Variants in SYDE2 observed in about 807,000 individuals in gnomAD.
SYDE2 encodes synapse defective Rho GTPase homolog 2, also known as rho GTPase-activating protein SYDE2.
In SYDE2, 76 loss-of-function variants were observed where a neutral mutation model predicts 91.5. The ratio of observed to expected loss-of-function variants is 0.83; its 90% CI spans 0.69 to 1.01. The LOEUF is 1.01. SYDE2 is among the 50% of genes least tolerant of loss of function. The probability of loss-of-function intolerance (pLI) is 0.00; values close to 1 mark genes in which losing one functional copy is unlikely to be tolerated. For missense variants in SYDE2, 1,364 were observed against 1,367.7 expected, an observed-to-expected ratio of 1.00 and a Z score of 0.04; for synonymous variants, 513 against 506.4, an observed-to-expected ratio of 1.01 and a Z score of -0.18.
At chr1:85,163,775 A>G (rs1213832130) in intron 6 of SYDE2, among the ~76,000 whole-genome samples, 1 of 152,118 alleles carries the variant, frequency 6.6e-6, no homozygotes, top group African/African-American at 2.4e-5. Context: ...GTGGGGTGAG[A>G]GTAGCAGGGG....
intron 5 of SYDE2, among the ~76,000 whole-genome samples, chr1:85,167,943 G>T (rs561376689): frequency 6.6e-6 from 1 of 151,862 alleles, no homozygotes; most frequent in South Asian, 2.1e-4. Flanking sequence ...GTGAAACCCC[G>T]TCTCTACTGA....
intron 5 of SYDE2, among the ~76,000 whole-genome samples, chr1:85,168,125 A>AG (rs1200238516): frequency 6.6e-6 from 1 of 152,126 alleles, no homozygotes; most frequent in East Asian, 1.9e-4. Context: ...CAAAAAAAAA[A>AG]AAAAAATTTT....
intron 4 of SYDE2, among the ~76,000 whole-genome samples, chr1:85,175,494 C>A (rs1657663361): frequency 6.6e-6 from 1 of 151,926 alleles, no homozygotes; most frequent in African/African-American, 2.4e-5. Context: ...AAAAAGCAAA[C>A]AAACAAAAAA....
At position 85,190,323 on chromosome 1, in the gene SYDE2, G is replaced by C. The variant is rs750249573; in HGVS notation, c.1175C>G (p.Ala392Gly). The C allele has an allele frequency of 3.7e-6, 6 of 1,613,746 alleles. No individual in the cohort carries two copies. In the African/African-American group the frequency reaches 8.0e-5, roughly 22 times the overall value. ...AGGGAGCTTCAGAACAGCAGAGTCG[G>C]CCTCACCAAAACTCAAGGCACTTGA... ...GISSALSFGE[A>G]DSAVLKLPAV... Residue 392 changes from alanine (A) to glycine (G), a missense_variant, in exon 2 of 7, where the codon GCC becomes GGC. Physicochemically the swap from Ala to Gly is moderately conservative, Grantham distance 60 (BLOSUM62 0). Transcript: ENST00000341460.
intron 4 of SYDE2, among the ~76,000 whole-genome samples, chr1:85,169,864 T>C (rs1337560249): frequency 1.3e-5 from 2 of 152,098 alleles, no homozygotes; most frequent in Admixed American, 6.5e-5. Context: ...GGAAAGTCAA[T>C]TGCAAACATT....
intron 1 of SYDE2, among the ~76,000 whole-genome samples, chr1:85,196,471 C>T (rs1658590831): frequency 6.6e-6 from 1 of 152,144 alleles, no homozygotes; most frequent in South Asian, 2.1e-4. Context: ...TTAAACACAG[C>T]ATTTCTTGGG....
chr1:85,156,327 G>A (rs535497608), downstream of SYDE2, among the ~76,000 whole-genome samples: 5 of 151,618 alleles, frequency 3.3e-5, no homozygotes, highest in East Asian at 3.9e-4. Context: ...CGGGTGGATC[G>A]CTTGAGCCCA....
intron 6 of SYDE2, chr1:85,160,251 G>A (rs1657011537): frequency 1.0e-6 from 1 of 963,906 alleles, no homozygotes; most frequent in Non-Finnish European, 1.2e-6. Flanking sequence ...CTTGTTTGCT[G>A]TTGTATAAAA....
rs765959082 is a variant in SYDE2 at position 85,190,347 on chromosome 1, G to T, written c.1151C>A (p.Ser384Ter). ...PIPEDDDLGI[S>*]SALSFGEADS... Reference sequence around the variant, plus strand: ...GGCCTCACCAAAACTCAAGGCACTTGATATACCAAGGTCATCATCCTCAGG... The same window carrying T: ...GGCCTCACCAAAACTCAAGGCACTTTATATACCAAGGTCATCATCCTCAGG... The change falls in exon 2 of 7, where the codon TCA becomes TAA. Residue 384 changes from serine (S) to a stop codon, truncating the protein, a stop_gained. Transcript: ENST00000341460. LOFTEE classifies it high-confidence loss of function. 6.2e-7 allele frequency: 1 copy of T among 1,613,908 alleles called. No homozygotes were observed. The highest frequency in any genetic ancestry group is 8.5e-7 in the Non-Finnish European group (1 of 1,179,856).
rs890010345 is a variant in SYDE2, at chr1:85,159,755, T to C, written c.3086-506A>G. ...TGCAATTCTATTAGCATCAGAGTCA[T>C]AGTTTACTAAGCAGATCAAATTTCA... On this transcript the variant is annotated intron_variant, in intron 6 of 6. Coordinates refer to ENST00000341460, the MANE Select transcript of SYDE2 (RefSeq NM_032184.2). 1.1e-5 allele frequency: 8 copies of C among 720,444 alleles called. No homozygotes were observed. The African/African-American group carries it at 1.3e-4, about 12-fold the overall frequency. The allele number at this position is 720,444 out of a possible 1,614,324, so 44.6% of individuals were successfully genotyped here. A position where few individuals can be genotyped will look rare whatever the true frequency, so the allele number is the denominator to read the frequency against.
At chr1:85,178,401 GC>G in intron 3 of SYDE2, 129 bp from the exon 4 acceptor site, 2 of 780,928 alleles carry the variant, frequency 2.6e-6, no homozygotes. Flanking sequence ...CTCAAATATA[GC>G]TTTTGAAGTC....
chr1:85,160,692 T>TAA, intron 6 of SYDE2: 1 of 985,454 alleles, frequency 1.0e-6, no homozygotes, highest in South Asian at 4.7e-5. Context: ...CTTTTCTTTT[T>TAA]AGTGCTTAAC....
At chr1:85,156,104 G>A (rs1216871453), downstream of SYDE2, among the ~76,000 whole-genome samples, 1 of 152,168 alleles carries the variant, frequency 6.6e-6, no homozygotes, top group Non-Finnish European at 1.5e-5. Flanking sequence ...ATAAGAAACA[G>A]CAGCAAGAAA....
At chr1:85,185,479 T>C (rs1013428334) in intron 2 of SYDE2, among the ~76,000 whole-genome samples, 2 of 151,968 alleles carry the variant, frequency 1.3e-5, no homozygotes, top group South Asian at 2.1e-4. Flanking sequence ...TTTTATTTCA[T>C]TGAGCAGTGG....
intron 4 of SYDE2, among the ~76,000 whole-genome samples, chr1:85,169,668 A>T (rs1336190543): frequency 3.3e-5 from 5 of 152,210 alleles, no homozygotes; most frequent in Non-Finnish European, 2.9e-5. Flanking sequence ...AATTGTCTGA[A>T]ACCCTTGGAA....
In SYDE2 at chr1:85,200,476, C is replaced by A. The variant is rs1658779678; in HGVS notation, c.521G>T (p.Arg174Leu). 2 of 1,613,788 alleles carry A rather than the reference C, an allele frequency of 1.2e-6. No homozygotes were observed. The highest frequency in any genetic ancestry group is 1.3e-5 in the African/African-American group (1 of 74,932). Residue 174 changes from arginine to leucine, a missense_variant, in exon 1 of 7, where the codon CGC becomes CTC. Physicochemically the swap from Arg to Leu is moderately radical, Grantham distance 102 (BLOSUM62 -2). Coordinates refer to ENST00000341460, the MANE Select transcript of SYDE2 (RefSeq NM_032184.2). ...SSVIRSGKGD[R>L]QEGPSFLRPP... is the part of the protein sequence containing the mutation. ...CCTGAGGAAGGAGGGGCCTTCCTGG[C>A]GGTCTCCTTTGCCACTGCGTATCAC...
chr1:85,169,247 CAGTT>C, intron 4 of SYDE2, 22 bp from the exon 5 acceptor site: 1 of 1,592,136 alleles, frequency 6.3e-7, no homozygotes. Flanking sequence ...AAACCGCAGA[CAGTT>C]GGTGATTGGA....
chr1:85,163,445 CTATATATATATATATATATATATATA>C (rs55977750), intron 6 of SYDE2, among the ~76,000 whole-genome samples: 1 of 87,608 alleles, frequency 1.1e-5, no homozygotes, highest in South Asian at 5.3e-4. Flanking sequence ...GTACTTTAAT[CTATATATATATATATATATATATATA>C]TATATATATA....
chr1:85,188,528 G>C (rs1246050441), intron 2 of SYDE2, among the ~76,000 whole-genome samples: 1 of 152,142 alleles, frequency 6.6e-6, no homozygotes, highest in Non-Finnish European at 1.5e-5. Context: ...TTAAATGTAA[G>C]TAGTTTATTT....
Sources: allele counts gnomAD v4.1 joint callset (sites outside exome capture counted in the v4.1 genomes callset), GRCh38; gene constraint gnomAD v4.1.1; transcripts MANE v1.5; gene names NCBI Gene and HGNC (gene_info 2026-07-23, HGNC 2026-07-21).